Variants in SEC16A observed in about 807,000 individuals in gnomAD.
The protein encoded by SEC16A is protein transport protein Sec16A.
In SEC16A, 110 loss-of-function variants were observed where a neutral mutation model predicts 221.9. That is an observed-to-expected ratio of 0.50 (90% CI 0.42 to 0.58). The LOEUF (loss-of-function observed/expected upper bound fraction) is 0.58. Among genes scored for constraint, SEC16A ranks in the 20% least tolerant of loss-of-function variants. The pLI, the probability that SEC16A is intolerant of heterozygous loss-of-function variation, is 0.00. For synonymous variants in SEC16A, 1,393 were observed against 1,257.7 expected (o/e 1.11, Z -2.28); for missense variants, 3,165 against 3,097.8 (o/e 1.02, Z -0.52).
At chr9:136,445,820 C>T (rs1339905204) in intron 28 of SEC16A, 101 bp from the exon 29 acceptor site, 6 of 1,025,138 alleles carry the variant, frequency 5.9e-6, no homozygotes, top group Middle Eastern at 2.0e-4. Flanking sequence ...GGGTTACAAA[C>T]GCCCTCTTCC....
intron 30 of SEC16A, 137 bp downstream of exon 30, chr9:136,444,915 C>G (rs1303623821): frequency 3.1e-6 from 2 of 644,704 alleles, no homozygotes; most frequent in East Asian, 5.6e-5. Context: ...ACCCTGTACC[C>G]TTGGTCACGT....
In SEC16A at chr9:136,447,476, C is replaced by T; in HGVS notation, c.6559+93G>A. 1.9e-6 allele frequency: 3 copies of T among 1,542,112 alleles called. No individual in the cohort carries two copies. Among genetic ancestry groups the T allele is most frequent in the Non-Finnish European group, 2.7e-6 (3 of 1,127,644 alleles). On this transcript the variant is annotated intron_variant, in intron 26 of 31. Coordinates refer to ENST00000684901, the MANE Select transcript of SEC16A (RefSeq NM_014866.2). This position sits in a 1 kb window ranked among gnomAD's most constrained non-coding sequence, Gnocchi z 5.5. ...AAGCACGCAGGGACGTGCGGGAAGC[C>T]ACCTCCTCCCCACGCACAACAGCTA... is the stretch of plus-strand genomic sequence containing the variant.
Position 136,441,495 on chromosome 9 carries a change from G to A in SEC16A, c.*260C>T, listed in dbSNP as rs1031438187. The stretch of plus-strand genomic sequence containing the variant: ...TCCTTAAATCATCCTAAATGACTAA[G>A]AAAGTCACATCATTCTTTTCGGCAA... On this transcript the variant is annotated 3_prime_UTR_variant, in exon 32 of 32. Coordinates refer to ENST00000684901, the MANE Select transcript of SEC16A (RefSeq NM_014866.2). 5.5e-6 allele frequency: 3 copies of A among 542,664 alleles called. No individual in the cohort carries two copies. In the African/African-American group the frequency reaches 5.7e-5, roughly 10 times the overall value. The allele number at this position is 542,664 out of a possible 1,614,324, so 33.6% of individuals were successfully genotyped here.
rs1302435467 is a variant in SEC16A, at chr9:136,459,575, C to T, written c.5192-20G>A. ...TTGAAGCTGCGGAGAGACGACACGACACACGGCGGGGGCTCAGCGACCGGG... is the reference window on the plus strand; with the variant it reads ...TTGAAGCTGCGGAGAGACGACACGATACACGGCGGGGGCTCAGCGACCGGG... On this transcript the variant is annotated intron_variant, in intron 15 of 31. Transcript: ENST00000684901. This position sits in a 1 kb window ranked among gnomAD's most constrained non-coding sequence, Gnocchi z 6.1. The T allele has an allele frequency of 6.4e-7, 1 of 1,555,764 alleles. No homozygotes were observed. Among genetic ancestry groups the T allele is most frequent in the East Asian group, 2.4e-5 (1 of 42,514 alleles).
chr9:136,475,016 C>T lies in SEC16A; in HGVS notation c.2600G>A (p.Arg867Lys). The change falls in exon 3 of 32, where the codon AGA (arginine) becomes AAA (lysine). Residue 867 changes from arginine (R) to lysine (K), a missense_variant. By Grantham distance (26) the Arg-to-Lys change is conservative (BLOSUM62 2). Coordinates refer to ENST00000684901, the MANE Select transcript of SEC16A (RefSeq NM_014866.2). The surrounding 1 kb of genome is among the most constrained non-coding windows in gnomAD (Gnocchi z 5.0). ...GAGAGCCCAACTGCTGACTGCAGGT[C>T]TATCCCCCACCAAAGCCTCTCTCCA... ...QSWREALVGD[R>K]PAVSSWALGG... 3 of 1,613,814 alleles carry T rather than the reference C, an allele frequency of 1.9e-6. No homozygotes were observed. Among genetic ancestry groups the T allele is most frequent in the Non-Finnish European group, 2.5e-6 (3 of 1,179,886 alleles).
Position 136,475,548 on chromosome 9 carries a change from G to A in SEC16A, c.2068C>T (p.Pro690Ser). ...TCCAAGGGCGGTGCCCCTGCGTGCG[G>A]AAGCATGTGCACAGCTTCCGTGGTG... The part of the protein sequence containing the change: ...NSTTEAVHML[P>S]HAGAPPLDTV... The change falls in exon 3 of 32, where the codon CCG (proline) becomes TCG (serine). Residue 690 changes from proline (P) to serine (S), a missense_variant. By Grantham distance (74) the Pro-to-Ser change is moderately conservative. Transcript: ENST00000684901. This position sits in a 1 kb window ranked among gnomAD's most constrained non-coding sequence, Gnocchi z 5.0. The A allele has an allele frequency of 3.1e-6, 5 of 1,613,514 alleles. No homozygotes were observed. The highest frequency in any genetic ancestry group is 3.4e-6 in the Non-Finnish European group (4 of 1,179,740).
Position 136,466,251 on chromosome 9 carries a change from C to A in SEC16A, c.4128+13G>T, listed in dbSNP as rs767461222. The stretch of plus-strand genomic sequence containing the variant: ...CACAACCGTCCGCGTGTCTGTGAGG[C>A]GCCGCCGCGTACCTGGTGCGAGTGG... On this transcript the variant is annotated intron_variant, in intron 7 of 31. Transcript: ENST00000684901. The surrounding 1 kb of genome is among the most constrained non-coding windows in gnomAD (Gnocchi z 5.5). 8.2e-6 allele frequency: 13 copies of A among 1,582,728 alleles called. No individual in the cohort carries two copies. Among genetic ancestry groups the A allele is most frequent in the South Asian group, 1.1e-5 (1 of 88,300 alleles).
chr9:136,446,825 C>G (rs746584845), intron 28 of SEC16A, 30 bp downstream of exon 28: 1 of 1,571,598 alleles, frequency 6.4e-7, no homozygotes, highest in East Asian at 2.2e-5. Context: ...TCACTGGGTA[C>G]CTTTCCCCTT....
rs1284651214 is a variant in SEC16A, at chr9:136,446,962, G to C, written c.6698-13C>G. The C allele has an allele frequency of 3.1e-6, 5 of 1,613,508 alleles. No homozygotes were observed. In the African/African-American group the frequency reaches 4.0e-5, roughly 13 times the overall value. ...GGTTCTTCTGCATCTGGGGATGAGA[G>C]AGCGAGGAGGCCATCATTCCGTCCC... On this transcript the variant is annotated splice_polypyrimidine_tract_variant and intron_variant, in intron 27 of 31. Transcript: ENST00000684901.
chr9:136,481,798 C>A (rs1842399439), intron 1 of SEC16A, among the ~76,000 whole-genome samples: 1 of 152,148 alleles, frequency 6.6e-6, no homozygotes, highest in African/African-American at 2.4e-5. Context: ...TCAACTCCAA[C>A]TCTTCTAAGT....
In SEC16A at chr9:136,464,488, G is replaced by A. The variant is rs1351043313; in HGVS notation, c.4378C>T (p.Leu1460Phe). 9 of 1,612,916 alleles carry A rather than the reference G, an allele frequency of 5.6e-6. No individual in the cohort carries two copies. The highest frequency in any genetic ancestry group is 7.6e-6 in the Non-Finnish European group (9 of 1,179,012). ...GGCAGATTGGGAATCACTTTGATAA[G>A]CTGACCGCCAGGGCCAAACCTGGCA... is the stretch of plus-strand genomic sequence containing the variant. The part of the protein sequence containing the change: ...VCARFGPGGQ[L>F]IKVIPNLPSE... The change falls in exon 9 of 32, where the codon CTT (leucine) becomes TTT (phenylalanine). Residue 1460 changes from leucine (L) to phenylalanine (F), a missense_variant. Coordinates refer to ENST00000684901, the MANE Select transcript of SEC16A (RefSeq NM_014866.2).
At chr9:136,445,361 C>T (rs1404015381) in intron 29 of SEC16A, among the ~76,000 whole-genome samples, 1 of 152,198 alleles carries the variant, frequency 6.6e-6, no homozygotes, top group East Asian at 1.9e-4. Flanking sequence ...CCAGCTTCAC[C>T]TCCTGACACC....
intron 21 of SEC16A, 50 bp downstream of exon 21, chr9:136,454,059 C>A: frequency 6.8e-7 from 1 of 1,474,938 alleles, no homozygotes. Context: ...CCCACAAACA[C>A]CACACCCCAT....
intron 1 of SEC16A, 147 bp downstream of exon 1, chr9:136,482,791 G>A (rs1239818864): frequency 1.1e-5 from 2 of 180,126 alleles, no homozygotes; most frequent in African/African-American, 2.4e-5. Flanking sequence ...GACCGGCCCC[G>A]GCGGGACCCG....
rs780527515 is a variant in SEC16A, at chr9:136,448,423, G to A, written c.6313-262C>T. 9 of 686,834 alleles carry A rather than the reference G, an allele frequency of 1.3e-5. No homozygotes were observed. In the East Asian group the frequency reaches 1.7e-4, roughly 13 times the overall value. The allele number at this position is 686,834 out of a possible 1,614,324, so 42.5% of individuals were successfully genotyped here. A position where few individuals can be genotyped will look rare whatever the true frequency, so the allele number is the denominator to read the frequency against. ...CACCAGGAGGATGGAGGTGGGGGGC[G>A]ATCCACAGAGACACCAGGAGGATGG... On this transcript the variant is annotated intron_variant, in intron 23 of 31. Transcript: ENST00000684901.
Position 136,474,613 on chromosome 9 carries a change from A to G in SEC16A, c.3003T>C (p.Thr1001=). 6.2e-7 allele frequency: 1 copy of G among 1,613,006 alleles called. No homozygotes were observed. Among genetic ancestry groups the G allele is most frequent in the Non-Finnish European group, 8.5e-7 (1 of 1,179,766 alleles). ...TGTACACGTTTACAGGATTTTCCAAAGTCCTGCTTAAGGTAAAGTCTAGGG... is the reference window on the plus strand; with the variant it reads ...TGTACACGTTTACAGGATTTTCCAAGGTCCTGCTTAAGGTAAAGTCTAGGG... ...YGALDFTLSR[T]LENPVNVYNP... is the part of the protein sequence containing the mutation. Residue 1001 remains threonine (T), a synonymous_variant, in exon 3 of 32, where the codon ACT becomes ACC. Transcript: ENST00000684901.
At chr9:136,480,450 G>T (rs1842176931) in intron 1 of SEC16A, among the ~76,000 whole-genome samples, 1 of 152,170 alleles carries the variant, frequency 6.6e-6, no homozygotes, top group African/African-American at 2.4e-5. Context: ...CAGGTGAGTG[G>T]CTCGAGGCAG....
chr9:136,451,651 G>A (rs1482658967), intron 22 of SEC16A, among the ~76,000 whole-genome samples: 1 of 152,202 alleles, frequency 6.6e-6, no homozygotes. Flanking sequence ...CTCCGTCTGG[G>A]AGCACTCAGC....
rs1352567437 is a variant in SEC16A at position 136,447,253 on chromosome 9, G to A, written c.6671C>T (p.Pro2224Leu). 6.3e-7 allele frequency: 1 copy of A among 1,596,972 alleles called. No homozygotes were observed. The highest frequency in any genetic ancestry group is 1.1e-5 in the South Asian group (1 of 87,968). Residue 2224 changes from proline (P) to leucine (L), a missense_variant, in exon 27 of 32, where the codon CCT becomes CTT. Coordinates refer to ENST00000684901, the MANE Select transcript of SEC16A (RefSeq NM_014866.2). The surrounding 1 kb of genome is among the most constrained non-coding windows in gnomAD (Gnocchi z 5.5). Reference protein sequence around the residue: ...FVAPLAPLPIPSNLFVPTPDA... With the variant: ...FVAPLAPLPILSNLFVPTPDA... ...TGGGGTTGGCACGAACAAGTTAGAA[G>A]GAATTGGGAGTGGCGCGAGTGGAGC...
Sources: gnomAD v4.1 joint callset for allele counts (sites outside exome capture counted in the v4.1 genomes callset) on GRCh38, gnomAD v4.1.1 for gene constraint, Gnocchi (gnomAD v3.1) non-coding constraint, MANE v1.5 for transcripts, NCBI Gene and HGNC (gene_info 2026-07-23, HGNC 2026-07-21) for gene names.